The following SMCR8 variants were observed in gnomAD, a reference collection of about 807,000 sequenced individuals.
SMCR8 encodes the protein guanine nucleotide exchange protein SMCR8.
A neutral mutation model predicts 56.6 loss-of-function variants in SMCR8; 30 were observed. The ratio of observed to expected loss-of-function variants is 0.53; its 90% CI spans 0.40 to 0.72. The LOEUF (loss-of-function observed/expected upper bound fraction) is 0.72, where lower values mean the gene tolerates loss of function less well. SMCR8 is among the 30% of genes least tolerant of loss of function. SMCR8 has a pLI of 0.00. For missense variants in SMCR8, 1,198 were observed against 1,157.0 expected, an observed-to-expected ratio of 1.04 and a Z score of -0.51; for synonymous variants, 538 against 456.0, an observed-to-expected ratio of 1.18 and a Z score of -2.29.
In SMCR8 at chr17:18,315,936, CG is replaced by C; in HGVS notation, c.151del (p.Ala51ProfsTer23). The C allele has an allele frequency of 1.2e-6, 2 of 1,614,156 alleles. No individual in the cohort carries two copies. Among genetic ancestry groups the C allele is most frequent in the Non-Finnish European group, 1.7e-6 (2 of 1,180,040 alleles). Reference sequence around the variant, plus strand: ...GTGCTAACCCCTGGTCAAAACTGTCCGGGGCCAAGTTTTCGAGGGACTTCAT... The same window carrying C: ...GTGCTAACCCCTGGTCAAAACTGTCCGGGCCAAGTTTTCGAGGGACTTCAT... ...QGANPWSKLS[G>X]AKFSRDFILI... On this transcript the variant is annotated frameshift_variant, in exon 1 of 2. Transcript: ENST00000406438. LOFTEE classifies it high-confidence loss of function.
chr17:18,317,620 G>A lies in SMCR8; in HGVS notation c.1831G>A (p.Val611Met). The A allele has an allele frequency of 1.9e-6, 3 of 1,614,198 alleles. No homozygotes were observed. The South Asian group carries it at 3.3e-5, about 18-fold the overall frequency. ...PAHTHSDEDG[V>M]VSSPPQRHRQ... is the part of the protein sequence containing the mutation. ...CCACACACACTCTGACGAGGATGGG[G>A]TGGTGAGCAGCCCCCCACAGCGCCA... The change falls in exon 1 of 2, where the codon GTG becomes ATG. Residue 611 changes from valine (V) to methionine (M), a missense_variant. Transcript: ENST00000406438.
chr17:18,319,396 C>T (rs1982431529), intron 1 of SMCR8, among the ~76,000 whole-genome samples: 1 of 152,086 alleles, frequency 6.6e-6, no homozygotes, highest in Non-Finnish European at 1.5e-5. Context: ...CTGGGGCCTA[C>T]CTGAGGCCCA....
In SMCR8 at chr17:18,317,149, A is replaced by G; in HGVS notation, c.1360A>G (p.Asn454Asp). The change falls in exon 1 of 2, where the codon AAC (asparagine) becomes GAC (aspartate). Residue 454 changes from asparagine to aspartate, a missense_variant. Asn to Asp is a conservative substitution (Grantham distance 23, BLOSUM62 1). Transcript: ENST00000406438. The part of the protein sequence containing the change: ...TELSSFDPQE[N>D]LDYLDMDMKG... The stretch of plus-strand genomic sequence containing the variant: ...GTTGAGCAGTTTCGACCCCCAGGAA[A>G]ACTTGGACTACCTGGATATGGATAT... 3.7e-6 allele frequency: 6 copies of G among 1,614,156 alleles called. No individual in the cohort carries two copies. Among genetic ancestry groups the G allele is most frequent in the Non-Finnish European group, 5.1e-6 (6 of 1,180,042 alleles).
chr17:18,322,492 G>T (rs1198510412), intron 1 of SMCR8, 125 bp from the exon 2 acceptor site: 5 of 787,870 alleles, frequency 6.3e-6, no homozygotes, highest in Admixed American at 2.6e-5. Flanking sequence ...TTGTCTTCCA[G>T]GAAGAGCCAG....
At chr17:18,318,639 G>A (rs1277095626) in intron 1 of SMCR8, among the ~76,000 whole-genome samples, 1 of 152,056 alleles carries the variant, frequency 6.6e-6, no homozygotes, top group Non-Finnish European at 1.5e-5. Flanking sequence ...CCTGACCTTA[G>A]GTGGTCTGCC....
At position 18,315,577 on chromosome 17, in the gene SMCR8, T is replaced by A. The variant is rs1247734974; in HGVS notation, c.-213T>A. The A allele has an allele frequency of 7.5e-6, 4 of 532,484 alleles. No homozygotes were observed. In the African/African-American group the frequency reaches 7.6e-5, roughly 10 times the overall value. 33.0% of individuals were successfully genotyped at this position (532,484 alleles called of 1,614,324 possible). A position where few individuals can be genotyped will look rare whatever the true frequency, so the allele number is the denominator to read the frequency against. Reference sequence around the variant, plus strand: ...CTGCGGCCTTGGCGTTCATGAGGCCTCAGAGAGCTCCGGAGGAGCTACAAC... The same window carrying A: ...CTGCGGCCTTGGCGTTCATGAGGCCACAGAGAGCTCCGGAGGAGCTACAAC... On this transcript the variant is annotated 5_prime_UTR_variant, in exon 1 of 2. Transcript: ENST00000406438.
At position 18,324,282 on chromosome 17, in the gene SMCR8, C is replaced by T. The variant is rs906366292; in HGVS notation, c.*1212C>T. 1 of 152,234 alleles carries T rather than the reference C, an allele frequency of 6.6e-6. No individual in the cohort carries two copies. The highest frequency in any genetic ancestry group is 1.5e-5 in the Non-Finnish European group (1 of 68,076). 9.4% of individuals were successfully genotyped at this position (152,234 alleles called of 1,614,324 possible). Reference sequence around the variant, plus strand: ...GCTCACGGCCGTCCCCAGTTGAGTCCCCCTTCTGAGGACAAGTTTGAAACT... The same window carrying T: ...GCTCACGGCCGTCCCCAGTTGAGTCTCCCTTCTGAGGACAAGTTTGAAACT... On this transcript the variant is annotated 3_prime_UTR_variant, in exon 2 of 2. Coordinates refer to ENST00000406438, the MANE Select transcript of SMCR8 (RefSeq NM_144775.3).
intron 1 of SMCR8, among the ~76,000 whole-genome samples, chr17:18,321,329 G>T (rs1193791149): frequency 6.6e-6 from 1 of 152,190 alleles, no homozygotes; most frequent in Non-Finnish European, 1.5e-5. Flanking sequence ...GATGTGCCAG[G>T]CATTGGGGGC....
At position 18,323,156 on chromosome 17, in the gene SMCR8, T is replaced by C; in HGVS notation, c.*86T>C. 8.2e-7 allele frequency: 1 copy of C among 1,214,214 alleles called. No individual in the cohort carries two copies. 75.2% of individuals were successfully genotyped at this position (1,214,214 alleles called of 1,614,324 possible). A position where few individuals can be genotyped will look rare whatever the true frequency, so the allele number is the denominator to read the frequency against. ...GGCATGACCAAACAGTTGCCTGAGC[T>C]GGACTGTTTAAGTTTCTGGTGTCTG... On this transcript the variant is annotated 3_prime_UTR_variant, in exon 2 of 2. Coordinates refer to ENST00000406438, the MANE Select transcript of SMCR8 (RefSeq NM_144775.3).
Position 18,316,944 on chromosome 17 carries a change from A to G in SMCR8, c.1155A>G (p.Lys385=), listed in dbSNP as rs1171124180. 6.2e-7 allele frequency: 1 copy of G among 1,614,182 alleles called. No individual in the cohort carries two copies. Among genetic ancestry groups the G allele is most frequent in the South Asian group, 1.1e-5 (1 of 91,086 alleles). Residue 385 remains lysine, a synonymous_variant, in exon 1 of 2, where the codon AAA becomes AAG. Transcript: ENST00000406438. ...AGGTCGATGACAGGATGGTGGAGAA[A>G]CAAGAAAGCATACCCTCTAAGCCCA... ...FVEVDDRMVE[K]QESIPSKPSQ...
In SMCR8 at chr17:18,316,218, C is replaced by T. The variant is rs988137730; in HGVS notation, c.429C>T (p.Asp143=). 46 of 1,613,736 alleles carry T rather than the reference C, an allele frequency of 2.9e-5. No individual in the cohort carries two copies. The highest frequency in any genetic ancestry group is 3.8e-5 in the Non-Finnish European group (45 of 1,180,042). Residue 143 remains aspartate, a synonymous_variant, in exon 1 of 2, where the codon GAC becomes GAT. Transcript: ENST00000406438. ...FAYVHHLTLY[D]LEARGFVRPF... is the part of the protein sequence containing the mutation. ...ACGTGCACCACCTTACCCTATACGA[C>T]CTGGAGGCCCGTGGCTTCGTGAGGC... is the stretch of plus-strand genomic sequence containing the variant.
chr17:18,316,861 G>A lies in SMCR8; in HGVS notation c.1072G>A (p.Asp358Asn), dbSNP rs765799467. 1 of 1,614,222 alleles carries A rather than the reference G, an allele frequency of 6.2e-7. No individual in the cohort carries two copies. The highest frequency in any genetic ancestry group is 1.1e-5 in the South Asian group (1 of 91,092). Residue 358 changes from aspartate (D) to asparagine (N), a missense_variant, in exon 1 of 2, where the codon GAT (aspartate) becomes AAT (asparagine). Transcript: ENST00000406438. Reference protein sequence around the residue: ...DLCYLLTSQIDRALLKQQHIT... With the variant: ...DLCYLLTSQINRALLKQQHIT... ...GTGTTACCTCCTGACCAGTCAGATT[G>A]ATAGAGCACTTCTAAAACAACAGCA...
At position 18,317,529 on chromosome 17, in the gene SMCR8, A is replaced by G; in HGVS notation, c.1740A>G (p.Gln580=). 1 of 1,614,032 alleles carries G rather than the reference A, an allele frequency of 6.2e-7. No individual in the cohort carries two copies. The highest frequency in any genetic ancestry group is 8.5e-7 in the Non-Finnish European group (1 of 1,180,026). The change falls in exon 1 of 2, where the codon CAA becomes CAG. Residue 580 remains glutamine (Q), a synonymous_variant. Coordinates refer to ENST00000406438, the MANE Select transcript of SMCR8 (RefSeq NM_144775.3). ...GCAGCATAGAAAACACCCCATCACA[A>G]ATAGACTCCTCCTGCTGTATTGGGA... is the stretch of plus-strand genomic sequence containing the variant. The part of the protein sequence containing the change: ...EEGSIENTPS[Q]IDSSCCIGKE...
intron 1 of SMCR8, among the ~76,000 whole-genome samples, chr17:18,321,865 A>G (rs1191799881): frequency 6.6e-5 from 10 of 152,216 alleles, no homozygotes; most frequent in Admixed American, 6.5e-4. Flanking sequence ...TGTTATCTCC[A>G]TCTTATAGGT....
At position 18,316,512 on chromosome 17, in the gene SMCR8, GT is replaced by G; in HGVS notation, c.724del (p.Ser242ProfsTer9). On this transcript the variant is annotated frameshift_variant, in exon 1 of 2. Coordinates refer to ENST00000406438, the MANE Select transcript of SMCR8 (RefSeq NM_144775.3). LOFTEE classifies it high-confidence loss of function. ...KANELASVEK[S>X]IIEHQDLLKQ... is the part of the protein sequence containing the mutation. ...CCAATGAACTGGCCAGTGTGGAGAA[GT>G]CCATCATTGAACATCAAGACCTGCT... The G allele has an allele frequency of 6.2e-7, 1 of 1,614,170 alleles. No individual in the cohort carries two copies. Among genetic ancestry groups the G allele is most frequent in the Non-Finnish European group, 8.5e-7 (1 of 1,180,044 alleles).
Position 18,324,819 on chromosome 17 carries a change from C to A in SMCR8, c.*1749C>A, listed in dbSNP as rs948775178. 1 of 152,304 alleles carries A rather than the reference C, an allele frequency of 6.6e-6. No individual in the cohort carries two copies. The highest frequency in any genetic ancestry group is 2.4e-5 in the African/African-American group (1 of 41,472). 9.4% of individuals were successfully genotyped at this position (152,304 alleles called of 1,614,324 possible). On this transcript the variant is annotated 3_prime_UTR_variant, in exon 2 of 2. Transcript: ENST00000406438. ...TGCTCCTGGGGCTGCGATGGAGAACCTTTTGTGGCAGATGGTGCTGCCTAC... is the reference window on the plus strand; with the variant it reads ...TGCTCCTGGGGCTGCGATGGAGAACATTTTGTGGCAGATGGTGCTGCCTAC...
rs1418637044 is a variant in SMCR8, at chr17:18,326,076, T to G, written c.*3006T>G. ...GAAAACTGTCTCAAAAAAAAAAAAT[T>G]TTTCATTTGAGGTATTCTTCCAGTA... On this transcript the variant is annotated 3_prime_UTR_variant, in exon 2 of 2. Coordinates refer to ENST00000406438, the MANE Select transcript of SMCR8 (RefSeq NM_144775.3). 1 of 151,938 alleles carries G rather than the reference T, an allele frequency of 6.6e-6. No individual in the cohort carries two copies. Among genetic ancestry groups the G allele is most frequent in the African/African-American group, 2.4e-5 (1 of 41,348 alleles). The allele number at this position is 151,938 out of a possible 1,614,324, so 9.4% of individuals were successfully genotyped here.
At position 18,317,094 on chromosome 17, in the gene SMCR8, TGAG is replaced by T. The variant is rs773717335; in HGVS notation, c.1309_1311del (p.Glu437del). 95 of 1,613,792 alleles carry T rather than the reference TGAG, an allele frequency of 5.9e-5. No homozygotes were observed. Among genetic ancestry groups the T allele is most frequent in the Non-Finnish European group, 7.9e-5 (93 of 1,179,998 alleles). ...TCAAGATGGAGCAGGAACTGGGAGA[TGAG>T]GAGTACAAGGAAGTGGAAGTGACTG... is the stretch of plus-strand genomic sequence containing the variant. On this transcript the variant is annotated inframe_deletion, in exon 1 of 2. Coordinates refer to ENST00000406438, the MANE Select transcript of SMCR8 (RefSeq NM_144775.3).
Position 18,316,362 on chromosome 17 carries a change from T to TG in SMCR8, c.574dup (p.Ala192GlyfsTer5). ...TGAAGACTGGCAACAGGAAGGCATT[T>TG]GCTGGGGAACTTGAAAAAAAGCTGA... is the stretch of plus-strand genomic sequence containing the variant. On this transcript the variant is annotated frameshift_variant, in exon 1 of 2. Coordinates refer to ENST00000406438, the MANE Select transcript of SMCR8 (RefSeq NM_144775.3). LOFTEE classifies it high-confidence loss of function. The TG allele has an allele frequency of 6.2e-7, 1 of 1,614,092 alleles. No individual in the cohort carries two copies. The highest frequency in any genetic ancestry group is 8.5e-7 in the Non-Finnish European group (1 of 1,180,028).
Sources: allele counts gnomAD v4.1 joint callset (sites outside exome capture counted in the v4.1 genomes callset), GRCh38; gene constraint gnomAD v4.1.1; transcripts MANE v1.5; gene names NCBI Gene and HGNC (gene_info 2026-07-23, HGNC 2026-07-21).